The following KDM5B variants were observed in gnomAD, a reference collection of about 807,000 sequenced individuals.
KDM5B encodes lysine demethylase 5B.
In KDM5B, 144 loss-of-function variants were observed where a neutral mutation model predicts 193.4. The ratio of observed to expected loss-of-function variants is 0.74; its 90% CI spans 0.65 to 0.86. The LOEUF is 0.86. KDM5B is among the 40% of genes least tolerant of loss of function. The pLI is 0.00. For missense variants in KDM5B, 1,833 were observed against 1,886.9 expected (o/e 0.97, Z 0.53); for synonymous variants, 668 against 682.6 (o/e 0.98, Z 0.33).
chr1:202,727,299 T>A lies in KDM5B; in HGVS notation c.*1737A>T, dbSNP rs1654708440. Reference sequence around the variant, plus strand: ...TACTAACAAGGCCAAACCACGATGATTCCAAATTGTACTCTGGAGACTATT... The same window carrying A: ...TACTAACAAGGCCAAACCACGATGAATCCAAATTGTACTCTGGAGACTATT... On this transcript the variant is annotated 3_prime_UTR_variant, in exon 27 of 27. Transcript: ENST00000367265. 6.6e-6 allele frequency: 1 copy of A among 152,226 alleles called. No individual in the cohort carries two copies. Among genetic ancestry groups the A allele is most frequent in the Non-Finnish European group, 1.5e-5 (1 of 68,040 alleles). 9.4% of individuals were successfully genotyped at this position (152,226 alleles called of 1,614,324 possible).
intron 1 of KDM5B, among the ~76,000 whole-genome samples, chr1:202,783,830 A>G (rs1657298951): frequency 6.6e-6 from 1 of 152,170 alleles, no homozygotes; most frequent in Non-Finnish European, 1.5e-5. Flanking sequence ...GCAGTGAGCC[A>G]AGATCACACC....
rs1471172627 is a variant in KDM5B at position 202,736,098 on chromosome 1, GAAC to G, written c.3264+112_3264+114del. 1.1e-5 allele frequency: 8 copies of G among 736,292 alleles called. No homozygotes were observed. The East Asian group carries it at 2.2e-4, about 20-fold the overall frequency. The allele number at this position is 736,292 out of a possible 1,614,324, so 45.6% of individuals were successfully genotyped here. ...AAGAGTCTCCCTGGCTTTACGGGAA[GAAC>G]AACTCACAGAATATAGATTAATCTG... On this transcript the variant is annotated intron_variant, in intron 21 of 26. Coordinates refer to ENST00000367265, the MANE Select transcript of KDM5B (RefSeq NM_006618.5).
intron 1 of KDM5B, among the ~76,000 whole-genome samples, chr1:202,804,991 A>G (rs2102354746): frequency 6.6e-6 from 1 of 152,306 alleles, no homozygotes; most frequent in African/African-American, 2.4e-5. Flanking sequence ...ACAAAAAAGT[A>G]TTTACTGAGC....
At chr1:202,766,891 G>C in intron 5 of KDM5B, 35 bp downstream of exon 5, 3 of 1,551,044 alleles carry the variant, frequency 1.9e-6, no homozygotes, top group Non-Finnish European at 2.6e-6. Flanking sequence ...TAGGGCTTGA[G>C]AATTCCTTTT....
At position 202,725,499 on chromosome 1, in the gene KDM5B, A is replaced by G. The variant is rs1016499136; in HGVS notation, c.*3537T>C. 1 of 152,204 alleles carries G rather than the reference A, an allele frequency of 6.6e-6. No individual in the cohort carries two copies. Among genetic ancestry groups the G allele is most frequent in the Non-Finnish European group, 1.5e-5 (1 of 68,044 alleles). The allele number at this position is 152,204 out of a possible 1,614,324, so 9.4% of individuals were successfully genotyped here. A position where few individuals can be genotyped will look rare whatever the true frequency, so the allele number is the denominator to read the frequency against. On this transcript the variant is annotated 3_prime_UTR_variant, in exon 27 of 27. Coordinates refer to ENST00000367265, the MANE Select transcript of KDM5B (RefSeq NM_006618.5). ...AAGGATTGATGACAGAGGGGCAAAG[A>G]GGGCGAAGCCATCACACTGCTGCTT...
At chr1:202,752,797 G>C in intron 12 of KDM5B, 108 bp downstream of exon 12, 1 of 1,048,726 alleles carries the variant, frequency 9.5e-7, no homozygotes, top group South Asian at 1.6e-5. Flanking sequence ...ATCAAGTCAT[G>C]CTATGGAAAA....
At position 202,766,920 on chromosome 1, in the gene KDM5B, T is replaced by C; in HGVS notation, c.711+6A>G. The stretch of plus-strand genomic sequence containing the variant: ...TCCTTTTAAATTAACCTCATGAGGC[T>C]CTTACCTCTGCTCTCATGCGTTTTG... On this transcript the variant is annotated splice_donor_region_variant and intron_variant, in intron 5 of 26. Transcript: ENST00000367265. 1.3e-6 allele frequency: 2 copies of C among 1,572,426 alleles called. No homozygotes were observed. Among genetic ancestry groups the C allele is most frequent in the Non-Finnish European group, 1.7e-6 (2 of 1,168,810 alleles).
intron 1 of KDM5B, among the ~76,000 whole-genome samples, chr1:202,792,149 T>C (rs1657664878): frequency 1.3e-5 from 2 of 152,226 alleles, no homozygotes; most frequent in Admixed American, 6.5e-5. Flanking sequence ...AAATTTCTGA[T>C]TAATTTGAAG....
chr1:202,780,938 A>T (rs1482403405), intron 1 of KDM5B, among the ~76,000 whole-genome samples: 2 of 152,200 alleles, frequency 1.3e-5, no homozygotes, highest in African/African-American at 4.8e-5. Context: ...AAATAATATC[A>T]CAATAATAAG....
Position 202,729,896 on chromosome 1 carries a change from C to T in KDM5B, c.4308G>A (p.Lys1436=). 1 of 1,614,150 alleles carries T rather than the reference C, an allele frequency of 6.2e-7. No homozygotes were observed. The highest frequency in any genetic ancestry group is 8.5e-7 in the Non-Finnish European group (1 of 1,179,996). ...RVKKMRTPKK[K]KIKLSHPKDM... The stretch of plus-strand genomic sequence containing the variant: ...CCTTGGGGTGGCTCAGTTTGATTTT[C>T]TTCTTTTTGGGGGTCCGCATTTTCT... Residue 1436 remains lysine, a synonymous_variant, in exon 26 of 27, where the codon AAG becomes AAA. Coordinates refer to ENST00000367265, the MANE Select transcript of KDM5B (RefSeq NM_006618.5).
chr1:202,736,977 T>C (rs1040058322), intron 20 of KDM5B, among the ~76,000 whole-genome samples: 1 of 152,192 alleles, frequency 6.6e-6, no homozygotes, highest in African/African-American at 2.4e-5. Context: ...AGGATACAAA[T>C]GTGAACATGG....
intron 13 of KDM5B, 40 bp downstream of exon 13, chr1:202,750,619 C>CTAA: frequency 6.3e-7 from 1 of 1,599,824 alleles, no homozygotes; most frequent in East Asian, 2.2e-5. Flanking sequence ...TCAGGAAAAA[C>CTAA]AATAAATTTG....
In KDM5B at chr1:202,776,397, T is replaced by C. The variant is rs918279419; in HGVS notation, c.282+620A>G. ...ACAATTCCATATAAGTGTTTAAAATTATATGGCAAGTAAATATGCTTTTAT... is the reference window on the plus strand; with the variant it reads ...ACAATTCCATATAAGTGTTTAAAATCATATGGCAAGTAAATATGCTTTTAT... On this transcript the variant is annotated intron_variant, in intron 2 of 26. Coordinates refer to ENST00000367265, the MANE Select transcript of KDM5B (RefSeq NM_006618.5). 2.0e-5 allele frequency among the ~76,000 whole-genome samples: 3 copies of C among 151,946 alleles called. No homozygotes were observed. In the East Asian group the frequency reaches 5.8e-4, roughly 29 times the overall value.
rs756038391 is a variant in KDM5B, at chr1:202,755,460, T to C, written c.1357-8A>G. The C allele has an allele frequency of 6.2e-7, 1 of 1,605,230 alleles. No individual in the cohort carries two copies. The highest frequency in any genetic ancestry group is 1.3e-5 in the African/African-American group (1 of 74,656). ...GCCACTATCAAGATACTCCTAAAAA[T>C]AAGAAGACAAAAGAGGATAAAGGTT... On this transcript the variant is annotated splice_region_variant and splice_polypyrimidine_tract_variant and intron_variant, in intron 10 of 26. Coordinates refer to ENST00000367265, the MANE Select transcript of KDM5B (RefSeq NM_006618.5).
Position 202,752,994 on chromosome 1 carries a change from C to T in KDM5B, c.1612G>A (p.Ala538Thr). 2 of 1,614,022 alleles carry T rather than the reference C, an allele frequency of 1.2e-6. No individual in the cohort carries two copies. Among genetic ancestry groups the T allele is most frequent in the Non-Finnish European group, 1.7e-6 (2 of 1,179,984 alleles). The part of the protein sequence containing the change: ...EQLENVMKKL[A>T]PELFVSQPDL... ...GGCTGGGACACAAAGAGTTCTGGAG[C>T]TAGTTTCTTCATTACATTTTCTAGC... The change falls in exon 12 of 27, where the codon GCT becomes ACT. Residue 538 changes from alanine to threonine, a missense_variant. Physicochemically the swap from Ala to Thr is moderately conservative, Grantham distance 58. This residue lies in a region of KDM5B where 1,379 missense variants were observed against 1,349.6 expected (regional missense o/e 1.02). Transcript: ENST00000367265.
At chr1:202,799,661 A>AG (rs1657996267) in intron 1 of KDM5B, among the ~76,000 whole-genome samples, 1 of 151,966 alleles carries the variant, frequency 6.6e-6, no homozygotes, top group East Asian at 1.9e-4. Context: ...CCATCTCAAA[A>AG]AAAAAAAAAG....
chr1:202,741,929 C>T (rs1484481278), intron 18 of KDM5B, among the ~76,000 whole-genome samples: 1 of 143,310 alleles, frequency 7.0e-6, no homozygotes, highest in African/African-American at 2.4e-5. Flanking sequence ...TAGCTGAGGT[C>T]ACTTTCTCTT....
chr1:202,740,918 A>G (rs898831959), intron 19 of KDM5B, 106 bp from the exon 20 acceptor site: 11 of 1,172,140 alleles, frequency 9.4e-6, no homozygotes, highest in Admixed American at 2.3e-5. Context: ...ATGGCAAATA[A>G]TTTTTTTCAA....
At chr1:202,739,062 TG>T (rs1175488255) in intron 20 of KDM5B, among the ~76,000 whole-genome samples, 1 of 152,212 alleles carries the variant, frequency 6.6e-6, no homozygotes, top group Non-Finnish European at 1.5e-5. Flanking sequence ...GGGGCTTAGC[TG>T]GGCATTTAGT....
Sources: gnomAD v4.1 joint callset for allele counts (sites outside exome capture counted in the v4.1 genomes callset) on GRCh38, gnomAD v4.1.1 for gene constraint, gnomAD v4.1.1 regional missense constraint, MANE v1.5 for transcripts, NCBI Gene and HGNC (gene_info 2026-07-23, HGNC 2026-07-21) for gene names.